HEATR5B: variants seen among roughly 807,000 people sequenced by gnomAD.
HEATR5B encodes the protein HEAT repeat containing 5B.
HEATR5B carries 156 observed loss-of-function variants against 224.1 expected under a neutral mutation model. That is an observed-to-expected ratio of 0.70 (90% CI 0.61 to 0.80). HEATR5B has a LOEUF of 0.80. HEATR5B is among the 30% of genes least tolerant of loss of function. HEATR5B has a pLI of 0.00. For missense variants in HEATR5B, 2,323 were observed against 2,535.5 expected (o/e 0.92, Z 1.80); for synonymous variants, 1,027 against 893.0 (o/e 1.15, Z -2.68).
Position 37,075,566 on chromosome 2 carries a change from A to C in HEATR5B, c.516T>G (p.Ala172=). 1 of 1,613,012 alleles carries C rather than the reference A, an allele frequency of 6.2e-7. No homozygotes were observed. The highest frequency in any genetic ancestry group is 1.1e-5 in the South Asian group (1 of 91,060). ...KVLSGLGGAA[A]SSHRDIYKNA... ...TCTTGTAAATATCACGATGGGAGGA[A>C]GCTGCTGCACCACCCAGTCCACTTA... Residue 172 remains alanine, a synonymous_variant, in exon 5 of 36, where the codon GCT becomes GCG. Transcript: ENST00000233099.
chr2:37,061,992 G>A lies in HEATR5B; in HGVS notation c.1643C>T (p.Ser548Phe). 2 of 1,613,958 alleles carry A rather than the reference G, an allele frequency of 1.2e-6. No homozygotes were observed. The highest frequency in any genetic ancestry group is 2.2e-5 in the South Asian group (2 of 91,086). ...LRTAAQNSRL[S>F]LQRTQAGWLL... Reference sequence around the variant, plus strand: ...CCAGCCAGCTTGGGTGCGCTGTAAAGATAGCCTGCTATTTTGGGCAGCAGT... The same window carrying A: ...CCAGCCAGCTTGGGTGCGCTGTAAAAATAGCCTGCTATTTTGGGCAGCAGT... The change falls in exon 11 of 36, where the codon TCT (serine) becomes TTT (phenylalanine). Residue 548 changes from serine to phenylalanine, a missense_variant. By Grantham distance (155) the Ser-to-Phe change is radical. Transcript: ENST00000233099.
chr2:36,984,237 T>TATATATATATATATATATATA (rs1217602304), intron 35 of HEATR5B, among the ~76,000 whole-genome samples: 3 of 112,046 alleles, frequency 2.7e-5, no homozygotes, highest in Admixed American at 9.5e-5. Flanking sequence ...TATATATATA[T>TATATATATATATATATATATA]AAAACTGGAA....
At chr2:37,011,811 AAT>A (rs1294577041) in intron 27 of HEATR5B, among the ~76,000 whole-genome samples, 1 of 152,160 alleles carries the variant, frequency 6.6e-6, no homozygotes, top group Non-Finnish European at 1.5e-5. Context: ...TCACATTATA[AAT>A]AGTGTTGCAA....
chr2:37,058,167 G>C (rs1028148285), intron 14 of HEATR5B, among the ~76,000 whole-genome samples: 5 of 152,150 alleles, frequency 3.3e-5, no homozygotes, highest in East Asian at 1.9e-4. Context: ...TCTTGGGTAA[G>C]TTAAGTTTCT....
chr2:37,058,307 A>T (rs1572906632), intron 14 of HEATR5B, 144 bp downstream of exon 14: 2 of 588,716 alleles, frequency 3.4e-6, no homozygotes, highest in East Asian at 5.7e-5. Flanking sequence ...GTCAACAAGT[A>T]TCAGCTACTC....
Position 37,053,483 on chromosome 2 carries a change from A to G in HEATR5B, c.2505+19T>C, listed in dbSNP as rs770680816. The G allele has an allele frequency of 9.5e-6, 13 of 1,368,608 alleles. No individual in the cohort carries two copies. The East Asian group carries it at 3.0e-4, about 32-fold the overall frequency. 84.8% of individuals were successfully genotyped at this position (1,368,608 alleles called of 1,614,324 possible). ...AATTAAAAACTTATTTCAGAATAGTATGTATTAAAAGTAAATACCTTTAGT... is the reference window on the plus strand; with the variant it reads ...AATTAAAAACTTATTTCAGAATAGTGTGTATTAAAAGTAAATACCTTTAGT... On this transcript the variant is annotated intron_variant, in intron 17 of 35. Coordinates refer to ENST00000233099, the MANE Select transcript of HEATR5B (RefSeq NM_019024.3).
chr2:37,084,143 G>A (rs1672820202), intron 1 of HEATR5B, 126 bp downstream of exon 1: 1 of 193,308 alleles, frequency 5.2e-6, no homozygotes, highest in South Asian at 1.9e-4. Flanking sequence ...CGGCAGCTCG[G>A]AACTAAGCAC....
At chr2:37,041,022 C>T (rs1055356244) in intron 19 of HEATR5B, 111 bp downstream of exon 19, 2 of 789,342 alleles carry the variant, frequency 2.5e-6, no homozygotes, top group East Asian at 5.3e-5. Context: ...AAAAACAAAC[C>T]CTAATATATT....
chr2:36,990,326 T>C (rs527589582), intron 34 of HEATR5B, among the ~76,000 whole-genome samples: 29 of 152,214 alleles, frequency 1.9e-4, no homozygotes, highest in Non-Finnish European at 3.4e-4. Context: ...CATTAAAACG[T>C]CAATAATATA....
In HEATR5B at chr2:36,988,276, T is replaced by C. The variant is rs149701922; in HGVS notation, c.5911+370A>G. On this transcript the variant is annotated intron_variant, in intron 35 of 35. Transcript: ENST00000233099. The stretch of plus-strand genomic sequence containing the variant: ...GGCCTGGTTTTTTTTCTTTTCTTTT[T>C]TTTTTGAGATGGAGTCTCGCTCTGT... Among the ~76,000 whole-genome samples, 326 of 152,168 alleles carry C rather than the reference T, an allele frequency of 2.1e-3. 5 individuals are homozygous for C. The highest frequency in any genetic ancestry group is 7.5e-3 in the African/African-American group (311 of 41,510).
At chr2:37,040,184 G>C (rs1467630221) in intron 20 of HEATR5B, 145 bp downstream of exon 20, 6 of 636,388 alleles carry the variant, frequency 9.4e-6, no homozygotes, top group Non-Finnish European at 1.3e-5. Context: ...AAAAAGCTGA[G>C]TGCCAGGCTT....
Position 37,037,914 on chromosome 2 carries a change from G to A in HEATR5B, c.3157C>T (p.Gln1053Ter), listed in dbSNP as rs776298724. Residue 1053 changes from glutamine (Q) to a stop codon, truncating the protein, a stop_gained, in exon 21 of 36, where the codon CAG (glutamine) becomes TAG (stop). Coordinates refer to ENST00000233099, the MANE Select transcript of HEATR5B (RefSeq NM_019024.3). LOFTEE classifies it high-confidence loss of function. ...VQAAAISCLQ[Q>*]LHMFAPRHVN... ...TGTCGTGGTGCAAACATGTGAAGCTGCTGAAGGCAAGATATGGCAGCTGCC... is the reference window on the plus strand; with the variant it reads ...TGTCGTGGTGCAAACATGTGAAGCTACTGAAGGCAAGATATGGCAGCTGCC... The A allele has an allele frequency of 1.2e-6, 2 of 1,601,266 alleles. No homozygotes were observed. The highest frequency in any genetic ancestry group is 1.7e-6 in the Non-Finnish European group (2 of 1,171,944).
rs1669210369 is a variant in HEATR5B at position 37,032,713 on chromosome 2, G to C, written c.3277C>G (p.Leu1093Val). Residue 1093 changes from leucine (L) to valine (V), a missense_variant, in exon 22 of 36, where the codon CTT (leucine) becomes GTT (valine). Physicochemically the swap from Leu to Val is conservative, Grantham distance 32. Around this residue, in one of 12 missense-constraint regions of HEATR5B, gnomAD observed 1 missense variants for 16.4 expected, o/e 0.06. Transcript: ENST00000233099. ...ACTTCCGCTGCTTCTCTTTGTGCAAGTTGCCGAAGACATGCCACAGCTGCT... is the reference window on the plus strand; with the variant it reads ...ACTTCCGCTGCTTCTCTTTGTGCAACTTGCCGAAGACATGCCACAGCTGCT... ...RRAAVACLRQLAQREAAEVCE... is the reference protein window; with the variant it reads ...RRAAVACLRQVAQREAAEVCE... 6.2e-7 allele frequency: 1 copy of C among 1,613,882 alleles called. No individual in the cohort carries two copies. Among genetic ancestry groups the C allele is most frequent in the South Asian group, 1.1e-5 (1 of 91,086 alleles).
intron 27 of HEATR5B, among the ~76,000 whole-genome samples, chr2:37,009,382 T>TGGGTAATATAGCAAGACCC (rs1667645737): frequency 6.6e-6 from 1 of 151,516 alleles, no homozygotes; most frequent in African/African-American, 2.4e-5. Flanking sequence ...AAGACCAGCC[T>TGGGTAATATAGCAAGACCC]GGGTAATATA....
At chr2:36,995,990 ATCC>A (rs1286485886) in intron 33 of HEATR5B, among the ~76,000 whole-genome samples, 1 of 151,334 alleles carries the variant, frequency 6.6e-6, no homozygotes, top group Non-Finnish European at 1.5e-5. Flanking sequence ...GGCTCAAGTG[ATCC>A]TCCCACCTCA....
At chr2:37,053,051 A>G (rs943513307) in intron 17 of HEATR5B, among the ~76,000 whole-genome samples, 9 of 152,238 alleles carry the variant, frequency 5.9e-5, no homozygotes, top group African/African-American at 2.2e-4. Flanking sequence ...AAAAGGTTAA[A>G]AAAGTTTAAA....
At chr2:37,052,815 T>G (rs1234887222) in intron 17 of HEATR5B, among the ~76,000 whole-genome samples, 3 of 152,240 alleles carry the variant, frequency 2.0e-5, no homozygotes, top group Non-Finnish European at 4.4e-5. Flanking sequence ...AAGAGATGAT[T>G]CTCATCCTAG....
chr2:37,002,498 T>G lies in HEATR5B; in HGVS notation c.5125A>C (p.Lys1709Gln), dbSNP rs754401036. 15 of 1,614,088 alleles carry G rather than the reference T, an allele frequency of 9.3e-6. No homozygotes were observed. Among genetic ancestry groups the G allele is most frequent in the Non-Finnish European group, 1.2e-5 (14 of 1,180,034 alleles). The change falls in exon 32 of 36, where the codon AAA becomes CAA. Residue 1709 changes from lysine (K) to glutamine (Q), a missense_variant. Physicochemically the swap from Lys to Gln is moderately conservative, Grantham distance 53. Coordinates refer to ENST00000233099, the MANE Select transcript of HEATR5B (RefSeq NM_019024.3). ...TCCATAGTTGCAAACACAAGAGATT[T>G]TCCAGGAATGAGACCACCGCTGTCA... ...GGDSGGLIPGKSLVFATMELL... is the reference protein window; with the variant it reads ...GGDSGGLIPGQSLVFATMELL...
At chr2:37,027,760 T>C (rs1668870587) in intron 24 of HEATR5B, among the ~76,000 whole-genome samples, 163 bp downstream of exon 24, 1 of 152,176 alleles carries the variant, frequency 6.6e-6, no homozygotes, top group South Asian at 2.1e-4. Context: ...ATGACTAGTA[T>C]GCAGAGGGGA....
Sources: gnomAD v4.1 joint callset for allele counts (sites outside exome capture counted in the v4.1 genomes callset) on GRCh38, gnomAD v4.1.1 for gene constraint, gnomAD v4.1.1 regional missense constraint, MANE v1.5 for transcripts, NCBI Gene and HGNC (gene_info 2026-07-23, HGNC 2026-07-21) for gene names.